The following FMO1 variants were observed in gnomAD, a reference collection of about 807,000 sequenced individuals.
FMO1 encodes flavin-containing monooxygenase 1.
In FMO1, 36 loss-of-function variants were observed where a neutral mutation model predicts 45.4. That is an observed-to-expected ratio of 0.79 (90% CI 0.61 to 1.05). The LOEUF is 1.05. Ranked by LOEUF, FMO1 falls within the 50% of genes least tolerant of loss-of-function variation. FMO1 has a pLI of 0.00. For synonymous variants in FMO1, 228 were observed against 227.2 expected, an observed-to-expected ratio of 1.00 and a Z score of -0.03; for missense variants, 615 against 640.3, an observed-to-expected ratio of 0.96 and a Z score of 0.43.
At chr1:171,271,195 A>ATC in intron 3 of FMO1, 1 of 864,840 alleles carries the variant, frequency 1.2e-6, no homozygotes, top group Non-Finnish European at 2.0e-6. Flanking sequence ...GTTATTCCAC[A>ATC]TCTCTCCCAG....
intron 6 of FMO1, 98 bp downstream of exon 6, chr1:171,281,083 A>G (rs1014832815): frequency 4.5e-6 from 4 of 895,246 alleles, no homozygotes; most frequent in East Asian, 5.0e-5. Flanking sequence ...AACATGGCTG[A>G]ATGTGTGGGA....
chr1:171,263,307 C>T (rs17581251), intron 2 of FMO1, among the ~76,000 whole-genome samples: 14,935 of 152,194 alleles, frequency 0.098, 796 homozygotes, highest in South Asian at 0.15. Flanking sequence ...TGTAATATTG[C>T]GGTTCCAGCA....
chr1:171,285,440 A>C lies in FMO1; in HGVS notation c.1495A>C (p.Ile499Leu), dbSNP rs773865353. Residue 499 changes from isoleucine to leucine, a missense_variant, in exon 9 of 9, where the codon ATC becomes CTC. Physicochemically the swap from Ile to Leu is conservative, Grantham distance 5. Coordinates refer to ENST00000617670, the MANE Select transcript of FMO1 (RefSeq NM_001282693.2). ...CCAGTGGGACCGAACATTCAAGGTC[A>C]TCAAAGCTCGAGTTGTACAAGAGTC... ...MTQWDRTFKV[I>L]KARVVQESPS... is the part of the protein sequence containing the mutation. The C allele has an allele frequency of 6.2e-7, 1 of 1,603,738 alleles. No homozygotes were observed. Among genetic ancestry groups the C allele is most frequent in the African/African-American group, 1.3e-5 (1 of 74,414 alleles).
intron 3 of FMO1, among the ~76,000 whole-genome samples, chr1:171,272,097 C>T (rs1346850702): frequency 6.6e-6 from 1 of 152,230 alleles, no homozygotes; most frequent in African/African-American, 2.4e-5. Flanking sequence ...TGTGTGCAGC[C>T]AAGGGACTTG....
intron 2 of FMO1, among the ~76,000 whole-genome samples, chr1:171,263,719 G>A (rs775422406): frequency 2.6e-5 from 4 of 152,208 alleles, no homozygotes; most frequent in Non-Finnish European, 4.4e-5. Context: ...TAGAGGGCAC[G>A]TGCTTCCACA....
At chr1:171,282,485 T>A (rs1259980735) in intron 7 of FMO1, 152 bp downstream of exon 7, 1 of 582,562 alleles carries the variant, frequency 1.7e-6, no homozygotes, top group Non-Finnish European at 3.0e-6. Context: ...AATTATACTG[T>A]CATAATGATT....
rs760197265 is a variant in FMO1 at position 171,285,949 on chromosome 1, AT to A, written c.*406del. On this transcript the variant is annotated 3_prime_UTR_variant, in exon 9 of 9. Transcript: ENST00000617670. ...AGTACTGGCTTATTAAAAGTAAAAA[AT>A]AAACCTAAAAATTGATTGTTTTAAG... 22 of 155,118 alleles carry A rather than the reference AT, an allele frequency of 1.4e-4. No homozygotes were observed. Among genetic ancestry groups the A allele is most frequent in the East Asian group, 1.3e-3 (7 of 5,270 alleles). The allele number at this position is 155,118 out of a possible 1,614,324, so 9.6% of individuals were successfully genotyped here. A position where few individuals can be genotyped will look rare whatever the true frequency, so the allele number is the denominator to read the frequency against.
intron 5 of FMO1, among the ~76,000 whole-genome samples, chr1:171,279,770 G>A (rs1471296763): frequency 1.3e-5 from 2 of 152,140 alleles, no homozygotes; most frequent in Admixed American, 6.5e-5. Flanking sequence ...AATTGCAGAC[G>A]TAGTAGCTCT....
In FMO1 at chr1:171,278,889, C is replaced by A; in HGVS notation, c.627+18C>A. The A allele has an allele frequency of 6.3e-7, 1 of 1,582,914 alleles. No homozygotes were observed. The highest frequency in any genetic ancestry group is 8.6e-7 in the Non-Finnish European group (1 of 1,161,502). ...CGGAAAAGGTACATTCCTGATGTTA[C>A]TGGGTGAAGAGCTTTATCTTAAGAT... On this transcript the variant is annotated intron_variant, in intron 5 of 8. Coordinates refer to ENST00000617670, the MANE Select transcript of FMO1 (RefSeq NM_001282693.2).
chr1:171,278,200 C>T (rs1420261680), intron 4 of FMO1, among the ~76,000 whole-genome samples: 1 of 152,172 alleles, frequency 6.6e-6, no homozygotes, highest in Non-Finnish European at 1.5e-5. Context: ...ACCAAGTGAA[C>T]TTCTCCAACT....
chr1:171,257,807 G>T, intron 1 of FMO1: 1 of 420,704 alleles, frequency 2.4e-6, no homozygotes, highest in Non-Finnish European at 4.5e-6. Context: ...CCAGTAAAAG[G>T]TCCAATTCCA....
chr1:171,272,065 G>C (rs1660893362), intron 3 of FMO1, among the ~76,000 whole-genome samples: 1 of 152,240 alleles, frequency 6.6e-6, no homozygotes, highest in South Asian at 2.1e-4. Context: ...GGTTTCATGG[G>C]CCAGGCCCAG....
At chr1:171,271,039 T>C in intron 3 of FMO1, 1 of 1,004,338 alleles carries the variant, frequency 1.0e-6, no homozygotes, top group Non-Finnish European at 1.5e-6. Context: ...CTCTTCCTTC[T>C]TTTTCTTGCT....
At chr1:171,262,894 T>C (rs1660435594) in intron 2 of FMO1, among the ~76,000 whole-genome samples, 1 of 152,130 alleles carries the variant, frequency 6.6e-6, no homozygotes, top group Non-Finnish European at 1.5e-5. Flanking sequence ...ACTCTCACAC[T>C]AGGCAGAAGG....
intron 2 of FMO1, among the ~76,000 whole-genome samples, chr1:171,264,320 G>A (rs1660509734): frequency 6.7e-6 from 1 of 148,228 alleles, no homozygotes; most frequent in African/African-American, 2.5e-5. Context: ...TAATTTGTGT[G>A]TGTGTATATA....
At chr1:171,258,443 GGAA>G (rs1435932261) in intron 2 of FMO1, among the ~76,000 whole-genome samples, 2 of 152,196 alleles carry the variant, frequency 1.3e-5, no homozygotes, top group Non-Finnish European at 2.9e-5. Flanking sequence ...AGAGCCAAGG[GGAA>G]GAAGTGTTTC....
intron 2 of FMO1, among the ~76,000 whole-genome samples, chr1:171,266,851 C>G (rs776992775): frequency 7.9e-5 from 12 of 152,194 alleles, no homozygotes; most frequent in Admixed American, 5.2e-4. Context: ...AAAGACATTA[C>G]TAAAACTGTT....
intron 6 of FMO1, 51 bp from the exon 7 acceptor site, chr1:171,281,927 T>C: frequency 1.9e-6 from 2 of 1,072,944 alleles, no homozygotes; most frequent in Non-Finnish European, 2.7e-6. Flanking sequence ...AAGGGAGAGC[T>C]GGCTGAATTG....
At chr1:171,252,020 C>T (rs1406551770) in intron 1 of FMO1, among the ~76,000 whole-genome samples, 1 of 151,996 alleles carries the variant, frequency 6.6e-6, no homozygotes, top group Non-Finnish European at 1.5e-5. Flanking sequence ...CTTTTCACCC[C>T]AACAAAATCC....
Sources: allele counts gnomAD v4.1 joint callset (sites outside exome capture counted in the v4.1 genomes callset), GRCh38; gene constraint gnomAD v4.1.1; transcripts MANE v1.5; gene names NCBI Gene and HGNC (gene_info 2026-07-23, HGNC 2026-07-21).